The following FHIT variants were observed in gnomAD, a reference collection of about 807,000 sequenced individuals.
FHIT encodes the protein bis(5'-adenosyl)-triphosphatase.
Under a neutral mutation model 17.9 loss-of-function variants are expected in FHIT, and 19 were observed. The ratio of observed to expected loss-of-function variants is 1.06; its 90% CI spans 0.74 to 1.56. The LOEUF (loss-of-function observed/expected upper bound fraction) is 1.56, where lower values mean the gene tolerates loss of function less well. Ranked by LOEUF, FHIT falls within the 40% of genes most tolerant of loss-of-function variation. The pLI is 0.00. For missense variants in FHIT, 248 were observed against 189.2 expected, an observed-to-expected ratio of 1.31 and a Z score of -1.82; for synonymous variants, 81 against 69.7, an observed-to-expected ratio of 1.16 and a Z score of -0.81.
At chr3:61,058,076 AC>A (rs1441148802) in intron 2 of FHIT, among the ~76,000 whole-genome samples, 1 of 152,018 alleles carries the variant, frequency 6.6e-6, no homozygotes, top group Non-Finnish European at 1.5e-5. Flanking sequence ...ACAAAACAAC[AC>A]CTACATTACA....
At chr3:60,301,366 G>A (rs1038812790) in intron 5 of FHIT, among the ~76,000 whole-genome samples, 27 of 152,130 alleles carry the variant, frequency 1.8e-4, no homozygotes, top group African/African-American at 5.8e-4. Flanking sequence ...TTGCAAATCT[G>A]CATTATGACT....
intron 3 of FHIT, among the ~76,000 whole-genome samples, chr3:60,923,781 C>T (rs1288247664): frequency 1.3e-5 from 2 of 152,148 alleles, no homozygotes; most frequent in African/African-American, 4.8e-5. Context: ...CCGAGAAGCA[C>T]AAGGGGTCAG....
At chr3:60,966,011 T>C (rs1553783220) in intron 3 of FHIT, among the ~76,000 whole-genome samples, 2 of 152,262 alleles carry the variant, frequency 1.3e-5, no homozygotes, top group East Asian at 3.9e-4. Context: ...TGCTGCCTTT[T>C]TTTCAGCTAT....
At chr3:61,146,908 G>A (rs760758299) in intron 2 of FHIT, among the ~76,000 whole-genome samples, 1 of 152,032 alleles carries the variant, frequency 6.6e-6, no homozygotes, top group South Asian at 2.1e-4. Context: ...ATCTGCTAAT[G>A]AGCATCATTA....
intron 5 of FHIT, among the ~76,000 whole-genome samples, chr3:60,218,916 C>G (rs900394996): frequency 6.6e-6 from 1 of 151,974 alleles, no homozygotes; most frequent in East Asian, 1.9e-4. Flanking sequence ...CCTTTCTTAT[C>G]CTGCTTCTAA....
At chr3:60,116,524 G>C (rs1430987948) in intron 5 of FHIT, among the ~76,000 whole-genome samples, 2 of 152,092 alleles carry the variant, frequency 1.3e-5, no homozygotes, top group Non-Finnish European at 2.9e-5. Context: ...CTAGGAATGA[G>C]ACAATTCATT....
chr3:60,289,649 A>G (rs549262921), intron 5 of FHIT, among the ~76,000 whole-genome samples: 1 of 152,212 alleles, frequency 6.6e-6, no homozygotes, highest in East Asian at 1.9e-4. Context: ...ACTTATTTAT[A>G]TAACAAGCTA....
At chr3:60,407,671 G>T (rs2687155) in intron 5 of FHIT, among the ~76,000 whole-genome samples, 147,026 of 152,168 alleles carry the variant, frequency 0.97, 71,242 homozygotes, top group East Asian at 1. Context: ...TGTGCCACCA[G>T]GCCTGGCTAA....
chr3:61,051,855 T>A (rs1023122542), intron 2 of FHIT, among the ~76,000 whole-genome samples: 1 of 152,204 alleles, frequency 6.6e-6, no homozygotes, highest in Non-Finnish European at 1.5e-5. Flanking sequence ...GGGCAAAAGT[T>A]ACACTGCATC....
intron 8 of FHIT, among the ~76,000 whole-genome samples, chr3:59,768,250 C>T (rs1403586473): frequency 1.3e-5 from 2 of 152,198 alleles, no homozygotes; most frequent in African/African-American, 4.8e-5. Flanking sequence ...ATCTCCTAAT[C>T]CTTTGACATC....
chr3:60,857,337 C>T (rs1350988239), intron 3 of FHIT, among the ~76,000 whole-genome samples: 1 of 152,118 alleles, frequency 6.6e-6, no homozygotes, highest in Non-Finnish European at 1.5e-5. Flanking sequence ...CTATCATGTT[C>T]CATGATTTTG....
chr3:60,194,967 A>G (rs1189497879), intron 5 of FHIT, among the ~76,000 whole-genome samples: 1 of 152,142 alleles, frequency 6.6e-6, no homozygotes, highest in African/African-American at 2.4e-5. Context: ...GGAGTTCTAG[A>G]CCAGCCTGGC....
At chr3:61,158,353 G>T (rs1018011715) in intron 2 of FHIT, among the ~76,000 whole-genome samples, 1 of 152,082 alleles carries the variant, frequency 6.6e-6, no homozygotes, top group African/African-American at 2.4e-5. Flanking sequence ...CCTTTCAGAG[G>T]GCTTCCTGAA....
intron 8 of FHIT, among the ~76,000 whole-genome samples, chr3:59,898,442 T>A (rs1019083512): frequency 6.9e-6 from 1 of 145,856 alleles, no homozygotes. Flanking sequence ...GTGTGTATGT[T>A]TGTGTGTGTG....
chr3:60,539,984 A>T (rs1192602383), intron 4 of FHIT, among the ~76,000 whole-genome samples: 2 of 150,954 alleles, frequency 1.3e-5, no homozygotes, highest in African/African-American at 4.8e-5. Flanking sequence ...TTAAATTAAA[A>T]TAAAAAAGAA....
At chr3:59,783,537 C>CCT (rs150058682) in intron 8 of FHIT, among the ~76,000 whole-genome samples, 1 of 152,130 alleles carries the variant, frequency 6.6e-6, no homozygotes, top group Non-Finnish European at 1.5e-5. Flanking sequence ...CTACCACAGC[C>CCT]CTCTCTCTCT....
intron 8 of FHIT, among the ~76,000 whole-genome samples, chr3:59,856,872 T>G (rs78396009): frequency 1.3e-4 from 4 of 30,342 alleles, no homozygotes; most frequent in Non-Finnish European, 2.4e-4. Flanking sequence ...CGGCTGAGTA[T>G]TTTTTTTTTT....
At chr3:61,061,520 A>T (rs2034429040) in intron 2 of FHIT, among the ~76,000 whole-genome samples, 1 of 151,802 alleles carries the variant, frequency 6.6e-6, no homozygotes, top group East Asian at 1.9e-4. Flanking sequence ...AATTTAAATT[A>T]AAATTTGTTT....
intron 5 of FHIT, among the ~76,000 whole-genome samples, chr3:60,437,839 A>G (rs1012828833): frequency 6.6e-6 from 1 of 152,104 alleles, no homozygotes; most frequent in Non-Finnish European, 1.5e-5. Flanking sequence ...TTTGGCTGAC[A>G]TACTTTAAGA....
Sources: allele counts gnomAD v4.1 joint callset (sites outside exome capture counted in the v4.1 genomes callset), GRCh38; gene constraint gnomAD v4.1.1; transcripts MANE v1.5; gene names NCBI Gene and HGNC (gene_info 2026-07-23, HGNC 2026-07-21).